Variants in TMEM132B observed in about 807,000 individuals in gnomAD.
TMEM132B encodes the protein transmembrane protein 132B.
A neutral mutation model predicts 90.8 loss-of-function variants in TMEM132B; 18 were observed. The observed-to-expected ratio is 0.20, with a 90% CI of 0.14 to 0.29. The LOEUF is 0.29. TMEM132B is among the 10% of genes least tolerant of loss of function. TMEM132B has a pLI of 1.00. For synonymous variants in TMEM132B, 504 were observed against 523.3 expected (o/e 0.96, Z 0.50); for missense variants, 1,096 against 1,326.8 (o/e 0.83, Z 2.70).
At chr12:125,311,752 G>A (rs922802268) in intron 1 of TMEM132B, among the ~76,000 whole-genome samples, 3 of 152,240 alleles carry the variant, frequency 2.0e-5, no homozygotes, top group Admixed American at 2.0e-4. Context: ...GCAGGCCAGA[G>A]GATGTGTGGC....
At chr12:125,467,391 T>C (rs539175452) in intron 3 of TMEM132B, among the ~76,000 whole-genome samples, 18 of 152,100 alleles carry the variant, frequency 1.2e-4, no homozygotes, top group South Asian at 8.3e-4. Context: ...TCCTCCTCTT[T>C]CTCCTCCTTT....
At position 125,459,313 on chromosome 12, in the gene TMEM132B, C is replaced by T. The variant is rs1054269724; in HGVS notation, c.1106+43636C>T. Among the ~76,000 whole-genome samples the T allele has an allele frequency of 6.6e-6, 1 of 152,136 alleles. No individual in the cohort carries two copies. The highest frequency in any genetic ancestry group is 1.5e-5 in the Non-Finnish European group (1 of 68,038). ...CAGGAGTATGAACACTGCTGCCTCCCACTGTTATCCTGCATGCTTGTCTAG... is the reference window on the plus strand; with the variant it reads ...CAGGAGTATGAACACTGCTGCCTCCTACTGTTATCCTGCATGCTTGTCTAG... On this transcript the variant is annotated intron_variant, in intron 3 of 8. Coordinates refer to ENST00000682704, the MANE Select transcript of TMEM132B (RefSeq NM_001366854.1). The surrounding 1 kb of genome is among the most constrained non-coding windows in gnomAD (Gnocchi z 4.1).
intron 1 of TMEM132B, among the ~76,000 whole-genome samples, chr12:125,205,440 G>A (rs1301442839): frequency 1.3e-5 from 2 of 151,422 alleles, no homozygotes; most frequent in Admixed American, 1.3e-4. Flanking sequence ...GGCTCCATGT[G>A]TCAGGGACTG....
chr12:125,438,513 C>G (rs1880765467), intron 3 of TMEM132B, among the ~76,000 whole-genome samples: 1 of 152,196 alleles, frequency 6.6e-6, no homozygotes, highest in Non-Finnish European at 1.5e-5. Context: ...AAGTTAAGAG[C>G]TATTTCAAGC....
At chr12:125,373,008 A>G (rs1381016552) in intron 2 of TMEM132B, among the ~76,000 whole-genome samples, 2 of 152,142 alleles carry the variant, frequency 1.3e-5, no homozygotes, top group African/African-American at 2.4e-5. Flanking sequence ...GACCATCCCT[A>G]TGTGGTCCTC....
At chr12:125,619,438 C>T (rs1886069274) in intron 5 of TMEM132B, among the ~76,000 whole-genome samples, 1 of 151,962 alleles carries the variant, frequency 6.6e-6, no homozygotes, top group Non-Finnish European at 1.5e-5. Context: ...GATCTCGGCT[C>T]ACTGCAACTT....
At chr12:125,373,984 G>A (rs1476788184) in intron 2 of TMEM132B, among the ~76,000 whole-genome samples, 1 of 152,100 alleles carries the variant, frequency 6.6e-6, no homozygotes, top group Admixed American at 6.6e-5. Flanking sequence ...TAGTAGAGAC[G>A]GGCTTTTGCC....
At chr12:125,559,523 G>A (rs2136787607) in intron 4 of TMEM132B, among the ~76,000 whole-genome samples, 1 of 152,256 alleles carries the variant, frequency 6.6e-6, no homozygotes, top group South Asian at 2.1e-4. Context: ...TCCTGCCCTG[G>A]GAAAATTTTG....
At chr12:125,386,822 C>CCTG (rs1463056889) in intron 2 of TMEM132B, among the ~76,000 whole-genome samples, 1 of 152,206 alleles carries the variant, frequency 6.6e-6, no homozygotes, top group Non-Finnish European at 1.5e-5. Flanking sequence ...ATGCATGCAG[C>CCTG]CTGCTGTTTT....
intron 3 of TMEM132B, among the ~76,000 whole-genome samples, chr12:125,464,446 C>T (rs1444855039): frequency 2.6e-5 from 4 of 152,118 alleles, no homozygotes; most frequent in Non-Finnish European, 5.9e-5. Flanking sequence ...TTTAGGCCCT[C>T]TCTGATACAG....
At chr12:125,315,439 TCCG>T (rs1297983920) in intron 1 of TMEM132B, among the ~76,000 whole-genome samples, 1 of 152,188 alleles carries the variant, frequency 6.6e-6, no homozygotes, top group African/African-American at 2.4e-5. Flanking sequence ...CCTCAAGTGA[TCCG>T]CCTGCCTCGG....
rs1248218290 is a variant in TMEM132B, at chr12:125,661,060, C to T, written c.*6350C>T. 7 of 152,062 alleles carry T rather than the reference C, an allele frequency of 4.6e-5. No individual in the cohort carries two copies. Among genetic ancestry groups the T allele is most frequent in the African/African-American group, 1.7e-4 (7 of 41,394 alleles). The allele number at this position is 152,062 out of a possible 1,614,324, so 9.4% of individuals were successfully genotyped here. ...ACACATCTTTCTGTACTTCCTGTGG[C>T]CAAAAAAGCAAGTGAGACTTTCTGT... On this transcript the variant is annotated 3_prime_UTR_variant, in exon 9 of 9. Coordinates refer to ENST00000682704, the MANE Select transcript of TMEM132B (RefSeq NM_001366854.1).
At chr12:125,203,084 G>A (rs1017146100) in intron 1 of TMEM132B, among the ~76,000 whole-genome samples, 14 of 152,246 alleles carry the variant, frequency 9.2e-5, no homozygotes, top group African/African-American at 3.1e-4. Flanking sequence ...AGAAGCTTAC[G>A]TCTGCCTCTA....
intron 4 of TMEM132B, among the ~76,000 whole-genome samples, chr12:125,557,342 A>C (rs1458596535): frequency 6.6e-6 from 1 of 152,024 alleles, no homozygotes; most frequent in Non-Finnish European, 1.5e-5. Context: ...ATCATGATTC[A>C]TCTCTTGGGG....
intron 1 of TMEM132B, among the ~76,000 whole-genome samples, chr12:125,258,392 T>C (rs1874487678): frequency 6.6e-6 from 1 of 152,196 alleles, no homozygotes; most frequent in South Asian, 2.1e-4. Flanking sequence ...GGTGACTCAA[T>C]AGCTAGGGGC....
chr12:125,553,791 C>T (rs937495166), intron 4 of TMEM132B, among the ~76,000 whole-genome samples: 3 of 152,152 alleles, frequency 2.0e-5, no homozygotes, highest in Non-Finnish European at 2.9e-5. Context: ...AATAACAAGT[C>T]CTTTGCCAAA....
At position 125,432,511 on chromosome 12, in the gene TMEM132B, G is replaced by GTGTATATATATA. The variant is rs1555248848; in HGVS notation, c.1106+16835_1106+16836insGTATATATATAT. Among the ~76,000 whole-genome samples the GTGTATATATATA allele has an allele frequency of 4.9e-4, 9 of 18,550 alleles. 2 individuals are homozygous for GTGTATATATATA. Among genetic ancestry groups the GTGTATATATATA allele is most frequent in the South Asian group, 2.2e-3 (1 of 460 alleles). The allele number at this position is 18,550 out of a possible 152,430, so 12.2% of individuals were successfully genotyped here. A position where few individuals can be genotyped will look rare whatever the true frequency, so the allele number is the denominator to read the frequency against. ...TGTATGTGTATATATATGTGTGTGTGTATATATATATATATATAGAGAGAG... is the reference window on the plus strand; with the variant it reads ...TGTATGTGTATATATATGTGTGTGTGTGTATATATATATATATATATATATATATAGAGAGAG... On this transcript the variant is annotated intron_variant, in intron 3 of 8. Transcript: ENST00000682704.
chr12:125,225,814 C>T (rs1039443666), intron 1 of TMEM132B, among the ~76,000 whole-genome samples: 1 of 152,146 alleles, frequency 6.6e-6, no homozygotes, highest in African/African-American at 2.4e-5. Flanking sequence ...CTCCTTCTTA[C>T]TTGCGTTCCA....
At chr12:125,309,509 G>T (rs1876073779) in intron 1 of TMEM132B, among the ~76,000 whole-genome samples, 1 of 151,458 alleles carries the variant, frequency 6.6e-6, no homozygotes, top group Non-Finnish European at 1.5e-5. Context: ...TATGTGCCAG[G>T]CTCTGTCCTA....
Sources: allele counts gnomAD v4.1 joint callset (sites outside exome capture counted in the v4.1 genomes callset), GRCh38; gene constraint gnomAD v4.1.1; non-coding constraint Gnocchi (gnomAD v3.1); transcripts MANE v1.5; gene names NCBI Gene and HGNC (gene_info 2026-07-23, HGNC 2026-07-21).